Variants in NT5DC1 observed in about 807,000 individuals in gnomAD.
The protein encoded by NT5DC1 is 5'-nucleotidase domain containing 1.
NT5DC1 carries 42 observed loss-of-function variants against 59.4 expected under a neutral mutation model. The observed-to-expected ratio is 0.71, with a 90% CI of 0.55 to 0.92. The LOEUF (loss-of-function observed/expected upper bound fraction) is 0.92, where lower values mean the gene tolerates loss of function less well. NT5DC1 is among the 40% of genes least tolerant of loss of function. NT5DC1 has a pLI of 0.00. For synonymous variants in NT5DC1, 172 were observed against 188.1 expected (o/e 0.91, Z 0.70); for missense variants, 501 against 537.1 (o/e 0.93, Z 0.66).
intron 6 of NT5DC1, among the ~76,000 whole-genome samples, chr6:116,216,961 A>C (rs1352143230): frequency 6.6e-6 from 1 of 152,188 alleles, no homozygotes; most frequent in Non-Finnish European, 1.5e-5. Flanking sequence ...CTGCAATGGA[A>C]ACAACAGACC....
At chr6:116,202,052 A>G (rs975861412) in intron 6 of NT5DC1, among the ~76,000 whole-genome samples, 8 of 151,964 alleles carry the variant, frequency 5.3e-5, no homozygotes, top group African/African-American at 1.9e-4. Flanking sequence ...GCCATTAACC[A>G]CATGTGGCTA....
At chr6:116,237,301 T>C (rs955405202) in intron 9 of NT5DC1, among the ~76,000 whole-genome samples, 1 of 152,206 alleles carries the variant, frequency 6.6e-6, no homozygotes. Context: ...TGGAATGTTA[T>C]CCTGATAACA....
chr6:116,180,850 G>A (rs1780858290), intron 6 of NT5DC1, among the ~76,000 whole-genome samples: 1 of 152,018 alleles, frequency 6.6e-6, no homozygotes, highest in Non-Finnish European at 1.5e-5. Flanking sequence ...TCAACCAATT[G>A]CAATTTGTGA....
chr6:116,208,522 T>G (rs140125202), intron 6 of NT5DC1, among the ~76,000 whole-genome samples: 3 of 152,186 alleles, frequency 2.0e-5, no homozygotes, highest in African/African-American at 7.2e-5. Flanking sequence ...CACAGTTAAT[T>G]TGTAAGGCTG....
At chr6:116,206,622 A>G (rs952113921) in intron 6 of NT5DC1, among the ~76,000 whole-genome samples, 2 of 151,974 alleles carry the variant, frequency 1.3e-5, no homozygotes, top group Non-Finnish European at 2.9e-5. Context: ...CTGTTTCTTA[A>G]TGAAGTCACC....
At chr6:116,122,026 T>C (rs1248179720) in intron 6 of NT5DC1, 4 of 1,379,516 alleles carry the variant, frequency 2.9e-6, no homozygotes, top group Non-Finnish European at 4.1e-6. Flanking sequence ...AAGAGAATCA[T>C]TGCCTTTCAA....
chr6:116,117,892 G>T lies in NT5DC1; in HGVS notation c.476G>T (p.Trp159Leu), dbSNP rs1365581156. 1.3e-6 allele frequency: 2 copies of T among 1,584,778 alleles called. No homozygotes were observed. Among genetic ancestry groups the T allele is most frequent in the Admixed American group, 3.4e-5 (2 of 59,262 alleles). ...AATGGTCAAAAAACATTTGATTTTT[G>T]GAAGGATATAGTTGCTGCTATACAA... Reference protein sequence around the residue: ...LNNGQKTFDFWKDIVAAIQHN... With the variant: ...LNNGQKTFDFLKDIVAAIQHN... Residue 159 changes from tryptophan to leucine, a missense_variant, in exon 6 of 12, where the codon TGG (tryptophan) becomes TTG (leucine). Transcript: ENST00000319550.
At chr6:116,167,406 G>A (rs1780495014) in intron 6 of NT5DC1, among the ~76,000 whole-genome samples, 1 of 151,766 alleles carries the variant, frequency 6.6e-6, no homozygotes, top group Admixed American at 6.6e-5. Context: ...TAGATACAGT[G>A]TTTCACCGTG....
At chr6:116,145,887 G>T (rs151228695) in intron 6 of NT5DC1, among the ~76,000 whole-genome samples, 1 of 152,118 alleles carries the variant, frequency 6.6e-6, no homozygotes, top group Admixed American at 6.5e-5. Context: ...TTATGTGATG[G>T]TATTTGAGAG....
intron 6 of NT5DC1, among the ~76,000 whole-genome samples, chr6:116,182,667 G>A (rs1780911956): frequency 1.3e-5 from 2 of 151,854 alleles, no homozygotes; most frequent in African/African-American, 4.8e-5. Context: ...CATGTTTGTT[G>A]TCCATTTGTA....
chr6:116,123,588 T>G (rs1183067721), intron 6 of NT5DC1, among the ~76,000 whole-genome samples: 1 of 152,250 alleles, frequency 6.6e-6, no homozygotes, highest in South Asian at 2.1e-4. Flanking sequence ...CTGTGTTGGA[T>G]GGATATGCCT....
At chr6:116,129,149 T>C (rs1438456397) in intron 6 of NT5DC1, among the ~76,000 whole-genome samples, 1 of 152,160 alleles carries the variant, frequency 6.6e-6, no homozygotes, top group African/African-American at 2.4e-5. Flanking sequence ...AATGTCATCA[T>C]CGTATTAAAA....
intron 8 of NT5DC1, among the ~76,000 whole-genome samples, chr6:116,228,013 T>C (rs751654784): frequency 6.6e-6 from 1 of 152,232 alleles, no homozygotes; most frequent in Non-Finnish European, 1.5e-5. Context: ...TTTCGGGATA[T>C]AGCCAGAAAG....
In NT5DC1 at chr6:116,114,397, C is replaced by T. The variant is rs371669311; in HGVS notation, c.365-1294C>T. Among the ~76,000 whole-genome samples, 94 of 151,920 alleles carry T rather than the reference C, an allele frequency of 6.2e-4. 2 individuals are homozygous for T. In the South Asian group the frequency reaches 0.018, roughly 29 times the overall value. Reference sequence around the variant, plus strand: ...TCTGCATTCCAAAGTAATCTATTTGCTTATTGGATTACTCATTCATTCATT... The same window carrying T: ...TCTGCATTCCAAAGTAATCTATTTGTTTATTGGATTACTCATTCATTCATT... On this transcript the variant is annotated intron_variant, in intron 4 of 11. Transcript: ENST00000319550.
chr6:116,206,543 C>CAGA (rs1475945597), intron 6 of NT5DC1, among the ~76,000 whole-genome samples: 1 of 151,946 alleles, frequency 6.6e-6, no homozygotes, highest in Admixed American at 6.6e-5. Flanking sequence ...TACTCTGGTA[C>CAGA]AGAACTTTGT....
At chr6:116,198,695 C>T (rs1306097078) in intron 6 of NT5DC1, among the ~76,000 whole-genome samples, 4 of 151,980 alleles carry the variant, frequency 2.6e-5, no homozygotes, top group Non-Finnish European at 5.9e-5. Flanking sequence ...CACCACTGCA[C>T]TCCAGCCTGG....
chr6:116,152,949 G>C (rs1187677321), intron 6 of NT5DC1, among the ~76,000 whole-genome samples: 2 of 151,998 alleles, frequency 1.3e-5, no homozygotes, highest in East Asian at 1.9e-4. Flanking sequence ...CCATACTGCT[G>C]TCTTATTTTT....
intron 6 of NT5DC1, among the ~76,000 whole-genome samples, chr6:116,129,799 G>T (rs1000219478): frequency 6.6e-6 from 1 of 152,144 alleles, no homozygotes; most frequent in African/African-American, 2.4e-5. Context: ...TTGAAAAGCC[G>T]TGTCATCTGT....
At chr6:116,200,631 C>T (rs1018784952) in intron 6 of NT5DC1, among the ~76,000 whole-genome samples, 7 of 151,928 alleles carry the variant, frequency 4.6e-5, no homozygotes, top group South Asian at 2.1e-4. Flanking sequence ...AGGATATTAT[C>T]GAGCTCTGGT....
Sources: allele counts gnomAD v4.1 joint callset (sites outside exome capture counted in the v4.1 genomes callset), GRCh38; gene constraint gnomAD v4.1.1; transcripts MANE v1.5; gene names NCBI Gene and HGNC (gene_info 2026-07-23, HGNC 2026-07-21).